KDM2B: variants seen among roughly 807,000 people sequenced by gnomAD.
KDM2B encodes lysine demethylase 2B.
A neutral mutation model predicts 150.0 loss-of-function variants in KDM2B; 26 were observed. The observed-to-expected ratio is 0.17, with a 90% CI of 0.13 to 0.24. The LOEUF (loss-of-function observed/expected upper bound fraction) is 0.24, where lower values mean the gene tolerates loss of function less well. Among genes scored for constraint, KDM2B ranks in the 10% least tolerant of loss-of-function variants. KDM2B has a pLI of 1.00. For missense variants in KDM2B, 1,265 were observed against 1,816.9 expected (o/e 0.70, Z 5.52); for synonymous variants, 734 against 729.5 (o/e 1.01, Z -0.10).
intron 6 of KDM2B, among the ~76,000 whole-genome samples, chr12:121,541,500 G>A (rs990948326): frequency 5.3e-5 from 8 of 150,178 alleles, no homozygotes; most frequent in Non-Finnish European, 8.9e-5. Flanking sequence ...ATAGATAAAA[G>A]AGAAAAAAAA....
At chr12:121,438,841 A>C (rs1386845829) in intron 22 of KDM2B, among the ~76,000 whole-genome samples, 1 of 152,114 alleles carries the variant, frequency 6.6e-6, no homozygotes, top group Non-Finnish European at 1.5e-5. Context: ...AAAAAAAAAA[A>C]AAAACCTGTA....
chr12:121,505,707 G>C (rs1885007376), intron 11 of KDM2B, among the ~76,000 whole-genome samples: 1 of 152,132 alleles, frequency 6.6e-6, no homozygotes, highest in South Asian at 2.1e-4. Flanking sequence ...TCCCGGGAGA[G>C]AGCCCATCTT....
the KDM2B span, among the ~76,000 whole-genome samples, chr12:121,421,661 A>G: frequency 6.6e-6 from 1 of 152,190 alleles, no homozygotes; most frequent in South Asian, 2.1e-4. Flanking sequence ...AAAATAATTC[A>G]GTTGTATTTA....
At chr12:121,572,882 G>A (rs1372181916) in intron 4 of KDM2B, among the ~76,000 whole-genome samples, 2 of 147,430 alleles carry the variant, frequency 1.4e-5, no homozygotes, top group South Asian at 4.2e-4. Flanking sequence ...CTGGAGTGCA[G>A]TGGCACGATC....
chr12:121,417,669 A>C, the KDM2B span: 2 of 1,614,190 alleles, frequency 1.2e-6, no homozygotes, highest in Non-Finnish European at 1.7e-6. This position sits in a 1 kb window ranked among gnomAD's most constrained non-coding sequence, Gnocchi z 5.0. Context: ...CATTCTGAGA[A>C]ATATACCCAT....
intron 11 of KDM2B, among the ~76,000 whole-genome samples, chr12:121,504,912 C>T (rs1428349015): frequency 6.6e-6 from 1 of 151,958 alleles, no homozygotes; most frequent in Non-Finnish European, 1.5e-5. Context: ...GTCAGGAGAT[C>T]GAGACCATCC....
rs1555308103 is a variant in KDM2B at position 121,533,007 on chromosome 12, G to A, written c.778-48C>T. 6.2e-7 allele frequency: 1 copy of A among 1,604,466 alleles called. No homozygotes were observed. The highest frequency in any genetic ancestry group is 1.7e-4 in the Middle Eastern group (1 of 6,046). On this transcript the variant is annotated intron_variant, in intron 7 of 22. Transcript: ENST00000377071. The surrounding 1 kb of genome is among the most constrained non-coding windows in gnomAD (Gnocchi z 4.1). ...CAGCTGGAGACCCAGGCCCAGACAA[G>A]ACCCAGAGAGAGGGCCCCACCTGCC...
chr12:121,430,579 C>T lies in KDM2B; in HGVS notation c.3830-110G>A, dbSNP rs1206632795. 1.5e-5 allele frequency: 11 copies of T among 740,902 alleles called. No homozygotes were observed. The highest frequency in any genetic ancestry group is 2.4e-5 in the East Asian group (1 of 40,820). The allele number at this position is 740,902 out of a possible 1,614,324, so 45.9% of individuals were successfully genotyped here. The stretch of plus-strand genomic sequence containing the variant: ...GGACAGGTCAGAGCTCTACATATTC[C>T]AGTCCCTGCTGTGCTGCACTAAATA... On this transcript the variant is annotated intron_variant, in intron 22 of 22. Transcript: ENST00000377071. This position sits in a 1 kb window ranked among gnomAD's most constrained non-coding sequence, Gnocchi z 4.4.
chr12:121,565,923 G>C (rs1455839082), intron 4 of KDM2B, among the ~76,000 whole-genome samples: 1 of 151,192 alleles, frequency 6.6e-6, no homozygotes, highest in Non-Finnish European at 1.5e-5. Context: ...CACCGTGCCC[G>C]GCCCAGGAAT....
chr12:121,440,303 GC>G lies in KDM2B; in HGVS notation c.3611-229del, dbSNP rs1874760260. The G allele has an allele frequency of 1.4e-5, 8 of 564,880 alleles. No individual in the cohort carries two copies. In the East Asian group the frequency reaches 2.4e-4, roughly 17 times the overall value. 35.0% of individuals were successfully genotyped at this position (564,880 alleles called of 1,614,324 possible). A position where few individuals can be genotyped will look rare whatever the true frequency, so the allele number is the denominator to read the frequency against. ...AAACTAAAAGACCTAGAAACACTAT[GC>G]CCACATTCCACCCAGTAGTCATCAG... On this transcript the variant is annotated intron_variant, in intron 21 of 22. Coordinates refer to ENST00000377071, the MANE Select transcript of KDM2B (RefSeq NM_032590.5).
rs782337250 is a variant in KDM2B at position 121,494,657 on chromosome 12, C to T, written c.1656G>A (p.Leu552=). The change falls in exon 12 of 23, where the codon CTG becomes CTA. Residue 552 remains leucine (L), a synonymous_variant. Coordinates refer to ENST00000377071, the MANE Select transcript of KDM2B (RefSeq NM_032590.5). ...TAGGGTCATCATCTGCGTGCTCCTT[C>T]AGGACGTTCTGTGGCCAAACAAAGC... ...QALLEGVKNV[L]KEHADDDPSL... is the part of the protein sequence containing the mutation. The T allele has an allele frequency of 4.3e-6, 7 of 1,611,068 alleles. No homozygotes were observed. In the Admixed American group the frequency reaches 1.2e-4, roughly 27 times the overall value.
chr12:121,448,271 G>A (rs1876620518), intron 13 of KDM2B, among the ~76,000 whole-genome samples: 2 of 126,028 alleles, frequency 1.6e-5, no homozygotes, highest in Non-Finnish European at 3.1e-5. Context: ...AGTGAGCCAC[G>A]AGCACACCAC....
intron 8 of KDM2B, among the ~76,000 whole-genome samples, chr12:121,528,575 TAATAAATA>T (rs56986386): frequency 2.6e-4 from 38 of 148,934 alleles, no homozygotes; most frequent in African/African-American, 6.4e-4. Flanking sequence ...AATGAAAAAA[TAATAAATA>T]AATAAATAAA....
intron 4 of KDM2B, among the ~76,000 whole-genome samples, chr12:121,571,541 G>A (rs547550401): frequency 1.2e-4 from 19 of 152,108 alleles, no homozygotes; most frequent in South Asian, 4.2e-4. Flanking sequence ...TGATCTGCCC[G>A]CCTCAACTTC....
At chr12:121,559,292 G>A (rs1056063155) in intron 4 of KDM2B, among the ~76,000 whole-genome samples, 5 of 151,728 alleles carry the variant, frequency 3.3e-5, no homozygotes, top group African/African-American at 1.2e-4. Context: ...TGTGCCGGGA[G>A]CTCTGAGCAG....
chr12:121,537,282 C>CGCTCTG lies in KDM2B; in HGVS notation c.684-2698_684-2693dup, dbSNP rs1888213536. The CGCTCTG allele has an allele frequency of 6.5e-6, 1 of 152,836 alleles. No homozygotes were observed. Among genetic ancestry groups the CGCTCTG allele is most frequent in the Non-Finnish European group, 1.5e-5 (1 of 68,544 alleles). 9.5% of individuals were successfully genotyped at this position (152,836 alleles called of 1,614,324 possible). On this transcript the variant is annotated intron_variant, in intron 6 of 22. Transcript: ENST00000377071. The surrounding 1 kb of genome is among the most constrained non-coding windows in gnomAD (Gnocchi z 8.7). ...CTCCCCCCTGGCTGGTTTGCTCGCT[C>CGCTCTG]GCTCTGGCGTGACGCCTTTGCACTG...
At chr12:121,569,322 T>C (rs1890927996) in intron 4 of KDM2B, among the ~76,000 whole-genome samples, 1 of 152,210 alleles carries the variant, frequency 6.6e-6, no homozygotes. Context: ...ACTGAGGTTT[T>C]GGGAAGGACC....
At chr12:121,556,682 C>A (rs1889925329) in intron 4 of KDM2B, among the ~76,000 whole-genome samples, 1 of 152,086 alleles carries the variant, frequency 6.6e-6, no homozygotes, top group South Asian at 2.1e-4. Context: ...GAAACCCTGT[C>A]TCTACTAAAA....
chr12:121,568,096 T>C (rs896167588), intron 4 of KDM2B, among the ~76,000 whole-genome samples: 1 of 152,040 alleles, frequency 6.6e-6, no homozygotes, highest in Non-Finnish European at 1.5e-5. Context: ...AGCAAACGAA[T>C]ACACCTGACA....
Sources: gnomAD v4.1 joint callset for allele counts (sites outside exome capture counted in the v4.1 genomes callset) on GRCh38, gnomAD v4.1.1 for gene constraint, Gnocchi (gnomAD v3.1) non-coding constraint, MANE v1.5 for transcripts, NCBI Gene and HGNC (gene_info 2026-07-23, HGNC 2026-07-21) for gene names.